Variants in ACVR1B observed in about 807,000 individuals in gnomAD.
The protein encoded by ACVR1B is activin receptor type-1B.
Under a neutral mutation model 55.6 loss-of-function variants are expected in ACVR1B, and 15 were observed. The observed-to-expected ratio is 0.27, with a 90% CI of 0.18 to 0.42. The LOEUF (loss-of-function observed/expected upper bound fraction) is 0.42. Ranked by LOEUF, ACVR1B falls within the 10% of genes least tolerant of loss-of-function variation. The probability of loss-of-function intolerance (pLI) is 1.00; values close to 1 mark genes in which losing one functional copy is unlikely to be tolerated. For missense variants in ACVR1B, 359 were observed against 670.1 expected, an observed-to-expected ratio of 0.54 and a Z score of 5.13; for synonymous variants, 247 against 254.6, an observed-to-expected ratio of 0.97 and a Z score of 0.28.
chr12:51,981,294 G>T, intron 4 of ACVR1B, 95 bp downstream of exon 4: 1 of 1,080,046 alleles, frequency 9.3e-7, no homozygotes, highest in Non-Finnish European at 1.3e-6. Context: ...CTTCATCATT[G>T]TAACCCGTAG....
chr12:51,955,764 A>G (rs1229871952), intron 1 of ACVR1B, among the ~76,000 whole-genome samples: 8 of 152,264 alleles, frequency 5.3e-5, no homozygotes, highest in South Asian at 2.1e-4. Flanking sequence ...TAAAAAGGGA[A>G]TCCTAGAGTC....
intron 1 of ACVR1B, among the ~76,000 whole-genome samples, chr12:51,952,660 C>T (rs1025924182): frequency 7.2e-5 from 11 of 152,120 alleles, no homozygotes; most frequent in Admixed American, 1.3e-4. Context: ...CCCCGGGGGG[C>T]CCATTCAGTT....
At chr12:51,958,408 C>T (rs979126743) in intron 1 of ACVR1B, among the ~76,000 whole-genome samples, 79 of 151,938 alleles carry the variant, frequency 5.2e-4, no homozygotes, top group Admixed American at 2.0e-4. Context: ...CACATCAGGC[C>T]GAGGTGGGTG....
At position 51,994,212 on chromosome 12, in the gene ACVR1B, C is replaced by T. The variant is rs1429301734; in HGVS notation, c.*102C>T. The T allele has an allele frequency of 4.6e-6, 7 of 1,523,182 alleles. No individual in the cohort carries two copies. Among genetic ancestry groups the T allele is most frequent in the Non-Finnish European group, 6.2e-6 (7 of 1,133,558 alleles). The allele number at this position is 1,523,182 out of a possible 1,614,324, so 94.4% of individuals were successfully genotyped here. On this transcript the variant is annotated 3_prime_UTR_variant, in exon 9 of 9. Coordinates refer to ENST00000257963, the MANE Select transcript of ACVR1B (RefSeq NM_004302.5). The surrounding 1 kb of genome is among the most constrained non-coding windows in gnomAD (Gnocchi z 4.2). ...CTACCTCTCGTTTCTGCCCAGCCCT[C>T]TGTGGCCAGGAGCCCTGGCCCGCAA...
At chr12:51,993,427 G>A (rs1198462508) in intron 8 of ACVR1B, among the ~76,000 whole-genome samples, 1 of 152,270 alleles carries the variant, frequency 6.6e-6, no homozygotes, top group East Asian at 1.9e-4. Flanking sequence ...AGAGCTGGCC[G>A]TTAGCTGCAG....
chr12:51,982,452 G>A (rs891704711), intron 4 of ACVR1B, among the ~76,000 whole-genome samples: 2 of 152,178 alleles, frequency 1.3e-5, no homozygotes, highest in African/African-American at 4.8e-5. Flanking sequence ...TCACACATAA[G>A]AGCAAGACAC....
intron 5 of ACVR1B, among the ~76,000 whole-genome samples, chr12:51,984,774 T>G (rs1942047728): frequency 1.3e-5 from 2 of 152,376 alleles, no homozygotes; most frequent in Admixed American, 1.3e-4. Context: ...ATCCTATTCC[T>G]ATAGCCTGTG....
chr12:51,973,958 AGCCAAGAGAT>A (rs1248567835), intron 1 of ACVR1B, among the ~76,000 whole-genome samples: 1 of 152,240 alleles, frequency 6.6e-6, no homozygotes, highest in African/African-American at 2.4e-5. Context: ...GGATTTGAAA[AGCCAAGAGAT>A]GCCTTTCAGA....
At chr12:51,981,290 C>T in intron 4 of ACVR1B, 91 bp downstream of exon 4, 1 of 1,108,478 alleles carries the variant, frequency 9.0e-7, no homozygotes, top group Non-Finnish European at 1.3e-6. Flanking sequence ...TTGCCTTCAT[C>T]ATTGTAACCC....
intron 1 of ACVR1B, among the ~76,000 whole-genome samples, chr12:51,970,624 G>A (rs1000890762): frequency 1.3e-5 from 2 of 152,200 alleles, no homozygotes; most frequent in African/African-American, 4.8e-5. Context: ...ATAAGGGCCA[G>A]GGAAGAATAA....
intron 4 of ACVR1B, among the ~76,000 whole-genome samples, chr12:51,982,331 G>T (rs1941995642): frequency 6.6e-6 from 1 of 152,206 alleles, no homozygotes; most frequent in Non-Finnish European, 1.5e-5. Context: ...GCCTTTTTGA[G>T]AGGATTGTAT....
At chr12:51,964,718 C>T (rs1389156473) in intron 1 of ACVR1B, among the ~76,000 whole-genome samples, 1 of 152,204 alleles carries the variant, frequency 6.6e-6, no homozygotes, top group Non-Finnish European at 1.5e-5. Context: ...TTTGAAGAGA[C>T]TTTTCCTCCC....
chr12:51,982,591 G>A (rs752692395), intron 4 of ACVR1B: 19 of 1,345,404 alleles, frequency 1.4e-5, no homozygotes, highest in Middle Eastern at 1.9e-4. Context: ...TAGCAGTTGT[G>A]ACATGACTTG....
intron 7 of ACVR1B, among the ~76,000 whole-genome samples, chr12:51,988,207 C>T (rs1431883457): frequency 1.3e-5 from 2 of 152,176 alleles, no homozygotes; most frequent in East Asian, 1.9e-4. Flanking sequence ...CAGTGGCTCA[C>T]GCTTGTAATC....
chr12:51,981,848 C>CA (rs11321510), intron 4 of ACVR1B, among the ~76,000 whole-genome samples: 224 of 128,126 alleles, frequency 1.7e-3, no homozygotes, highest in Non-Finnish European at 2.0e-3. Context: ...GACTCCGTCT[C>CA]AAAAAAAAAA....
Position 51,991,850 on chromosome 12 carries a change from T to C in ACVR1B, c.1262-13T>C, listed in dbSNP as rs534751585. On this transcript the variant is annotated splice_polypyrimidine_tract_variant and intron_variant, in intron 7 of 8. Coordinates refer to ENST00000257963, the MANE Select transcript of ACVR1B (RefSeq NM_004302.5). ...CTGTTGATAACTCAGGTAGATACTT[T>C]CTTTTCTCCCAGGAGTCCATGAAGA... 2 of 1,611,220 alleles carry C rather than the reference T, an allele frequency of 1.2e-6. No homozygotes were observed. The highest frequency in any genetic ancestry group is 2.2e-5 in the East Asian group (1 of 44,842).
intron 1 of ACVR1B, 33 bp from the exon 2 acceptor site, chr12:51,975,232 T>G: frequency 6.3e-7 from 1 of 1,594,670 alleles, no homozygotes; most frequent in Non-Finnish European, 8.5e-7. Flanking sequence ...ATCTCACCAT[T>G]GATGTCAATG....
In ACVR1B at chr12:51,980,989, C is replaced by T. The variant is rs766927234; in HGVS notation, c.601C>T (p.Arg201Cys). 4 of 1,612,170 alleles carry T rather than the reference C, an allele frequency of 2.5e-6. No individual in the cohort carries two copies. Among genetic ancestry groups the T allele is most frequent in the South Asian group, 1.1e-5 (1 of 90,866 alleles). Reference sequence around the variant, plus strand: ...CACAGGGTTACCCCTCTTTGTCCAGCGCACAGTGGCCCGAACCATCGTTTT... The same window carrying T: ...CACAGGGTTACCCCTCTTTGTCCAGTGCACAGTGGCCCGAACCATCGTTTT... ...SGSGLPLFVQ[R>C]TVARTIVLQE... Residue 201 changes from arginine (R) to cysteine (C), a missense_variant, in exon 4 of 9, where the codon CGC (arginine) becomes TGC (cysteine). Arg to Cys is a radical substitution (Grantham distance 180). Coordinates refer to ENST00000257963, the MANE Select transcript of ACVR1B (RefSeq NM_004302.5).
rs1942277441 is a variant in ACVR1B, at chr12:51,995,240, G to A, written c.*1130G>A. On this transcript the variant is annotated 3_prime_UTR_variant, in exon 9 of 9. Transcript: ENST00000257963. ...CATCTCCCAGATCCTGGAAACAGCA[G>A]TGTATATTTTTGGTGGTGGTGGGTT... 7.0e-6 allele frequency: 1 copy of A among 142,602 alleles called. No individual in the cohort carries two copies. The highest frequency in any genetic ancestry group is 7.1e-5 in the Admixed American group (1 of 14,012). The allele number at this position is 142,602 out of a possible 1,614,324, so 8.8% of individuals were successfully genotyped here. A position where few individuals can be genotyped will look rare whatever the true frequency, so the allele number is the denominator to read the frequency against.
Sources: allele counts gnomAD v4.1 joint callset (sites outside exome capture counted in the v4.1 genomes callset), GRCh38; gene constraint gnomAD v4.1.1; non-coding constraint Gnocchi (gnomAD v3.1); transcripts MANE v1.5; gene names NCBI Gene and HGNC (gene_info 2026-07-23, HGNC 2026-07-21).